Variants in TAFA2 observed in about 807,000 individuals in gnomAD.
The protein encoded by TAFA2 is chemokine-like protein TAFA-2.
TAFA2 carries 7 observed loss-of-function variants against 18.8 expected under a neutral mutation model. The ratio of observed to expected loss-of-function variants is 0.37; its 90% CI spans 0.21 to 0.70. The LOEUF is 0.70. Among genes scored for constraint, TAFA2 ranks in the 30% least tolerant of loss-of-function variants. The probability of loss-of-function intolerance (pLI) is 0.53; values close to 1 mark genes in which losing one functional copy is unlikely to be tolerated. For synonymous variants in TAFA2, 60 were observed against 54.2 expected (o/e 1.11, Z -0.47); for missense variants, 122 against 158.1 (o/e 0.77, Z 1.23).
chr12:61,821,758 A>G (rs548646094), intron 2 of TAFA2, among the ~76,000 whole-genome samples: 38 of 152,250 alleles, frequency 2.5e-4, no homozygotes, highest in African/African-American at 8.9e-4. Context: ...ATGTTTTTAA[A>G]AAATTTCTGC....
chr12:61,840,454 T>A lies in TAFA2; in HGVS notation c.106+26866A>T, dbSNP rs538085911. On this transcript the variant is annotated intron_variant, in intron 2 of 4. Transcript: ENST00000416284. Reference sequence around the variant, plus strand: ...CTTTTGTTATAAGGCAGCTTATATATTAAATATCCACCTCCATTGTTTCTT... The same window carrying A: ...CTTTTGTTATAAGGCAGCTTATATAATAAATATCCACCTCCATTGTTTCTT... Among the ~76,000 whole-genome samples the A allele has an allele frequency of 1.1e-4, 17 of 152,124 alleles. 1 individual carries two copies. The highest frequency in any genetic ancestry group is 2.1e-4 in the South Asian group (1 of 4,828).
At chr12:62,155,318 C>T (rs1232309629) in intron 1 of TAFA2, among the ~76,000 whole-genome samples, 3 of 152,026 alleles carry the variant, frequency 2.0e-5, no homozygotes, top group African/African-American at 7.2e-5. Context: ...CAAATAGAGA[C>T]ACATCCCATG....
intron 1 of TAFA2, among the ~76,000 whole-genome samples, chr12:61,956,328 A>T (rs1451646161): frequency 6.6e-6 from 1 of 152,102 alleles, no homozygotes; most frequent in African/African-American, 2.4e-5. Context: ...TTTCACTGAT[A>T]AAGTAAAATA....
At chr12:62,219,587 G>C (rs768984750) in intron 1 of TAFA2, among the ~76,000 whole-genome samples, 1 of 152,084 alleles carries the variant, frequency 6.6e-6, no homozygotes, top group Non-Finnish European at 1.5e-5. Flanking sequence ...TGTTATAAAA[G>C]AAACTTATTT....
At chr12:61,968,957 T>C (rs1879156838) in intron 1 of TAFA2, among the ~76,000 whole-genome samples, 1 of 151,730 alleles carries the variant, frequency 6.6e-6, no homozygotes. Flanking sequence ...AGTTTGCTGA[T>C]CACTTTAAGC....
rs540770658 is a variant in TAFA2 at position 61,854,421 on chromosome 12, G to A, written c.106+12899C>T. 1.5e-3 allele frequency among the ~76,000 whole-genome samples: 222 copies of A among 152,098 alleles called. 4 individuals carry two copies. The highest frequency in any genetic ancestry group is 5.1e-3 in the African/African-American group (212 of 41,498). ...AATAGGACATCCAGAAACAGAGAGG[G>A]GGGAAGATCCTCAAATAATTCAATA... On this transcript the variant is annotated intron_variant, in intron 2 of 4. Coordinates refer to ENST00000416284, the MANE Select transcript of TAFA2 (RefSeq NM_178539.5).
chr12:62,007,342 A>T (rs56794405), intron 1 of TAFA2, among the ~76,000 whole-genome samples: 51,787 of 152,050 alleles, frequency 0.34, 9,054 homozygotes, highest in East Asian at 0.45. Context: ...TGATCTTCAT[A>T]ATATATATTA....
intron 1 of TAFA2, among the ~76,000 whole-genome samples, chr12:61,932,185 T>C (rs904995862): frequency 6.6e-6 from 1 of 152,226 alleles, no homozygotes. Flanking sequence ...TTTTCCTATT[T>C]GAAGAATAGT....
rs965772141 is a variant in TAFA2 at position 61,940,653 on chromosome 12, C to A, written c.-1-73227G>T. Reference sequence around the variant, plus strand: ...TCCAGCTGTGAACCGCAGAGTGATACCCCCAGAATGGGCATCCTTTTCTCA... The same window carrying A: ...TCCAGCTGTGAACCGCAGAGTGATAACCCCAGAATGGGCATCCTTTTCTCA... On this transcript the variant is annotated intron_variant, in intron 1 of 4. Coordinates refer to ENST00000416284, the MANE Select transcript of TAFA2 (RefSeq NM_178539.5). Among the ~76,000 whole-genome samples the A allele has an allele frequency of 1.6e-4, 25 of 152,272 alleles. No homozygotes were observed. In the South Asian group the frequency reaches 5.0e-3, roughly 30 times the overall value.
At position 61,991,577 on chromosome 12, in the gene TAFA2, T is replaced by C. The variant is rs566725447; in HGVS notation, c.-1-124151A>G. On this transcript the variant is annotated intron_variant, in intron 1 of 4. Coordinates refer to ENST00000416284, the MANE Select transcript of TAFA2 (RefSeq NM_178539.5). ...ATATGAATGCTACATTTCAGTTAAG[T>C]CAATTTATCCCTCTGTTGGTTCTTT... 3.9e-5 allele frequency among the ~76,000 whole-genome samples: 6 copies of C among 152,348 alleles called. No individual in the cohort carries two copies. In the South Asian group the frequency reaches 6.2e-4, roughly 16 times the overall value.
chr12:62,149,385 A>AG, intron 1 of TAFA2, among the ~76,000 whole-genome samples: 1 of 152,080 alleles, frequency 6.6e-6, no homozygotes, highest in South Asian at 2.1e-4. Flanking sequence ...GCTTTCACAG[A>AG]GGGGGGAAAT....
At chr12:61,974,855 ACGTCTCAAT>A (rs1469679341) in intron 1 of TAFA2, among the ~76,000 whole-genome samples, 1 of 151,802 alleles carries the variant, frequency 6.6e-6, no homozygotes, top group African/African-American at 2.4e-5. Flanking sequence ...AAAGCCTCTT[ACGTCTCAAT>A]CTCCTAGGGT....
chr12:61,993,071 G>A (rs746695741), intron 1 of TAFA2, among the ~76,000 whole-genome samples: 4 of 152,154 alleles, frequency 2.6e-5, no homozygotes, highest in African/African-American at 7.2e-5. Flanking sequence ...AACTGGCCAC[G>A]CTGAAGTTTT....
At chr12:62,247,786 C>A (rs547847745) in intron 1 of TAFA2, among the ~76,000 whole-genome samples, 1 of 152,140 alleles carries the variant, frequency 6.6e-6, no homozygotes, top group South Asian at 2.1e-4. Context: ...TATAATCAGG[C>A]AAATGACACA....
chr12:61,839,142 C>T (rs1213132948), intron 2 of TAFA2, among the ~76,000 whole-genome samples: 2 of 152,060 alleles, frequency 1.3e-5, no homozygotes, highest in Non-Finnish European at 2.9e-5. Flanking sequence ...CAGGAACTTA[C>T]AGTCTGGTGA....
At chr12:62,026,531 C>T (rs921609784) in intron 1 of TAFA2, among the ~76,000 whole-genome samples, 2 of 152,126 alleles carry the variant, frequency 1.3e-5, no homozygotes, top group South Asian at 2.1e-4. Flanking sequence ...TCAACTTGAC[C>T]TTTCATGATG....
intron 1 of TAFA2, among the ~76,000 whole-genome samples, chr12:61,928,827 A>C (rs1877422152): frequency 6.6e-6 from 1 of 152,078 alleles, no homozygotes; most frequent in Non-Finnish European, 1.5e-5. Flanking sequence ...ATAGAATGCT[A>C]TGCAGCCAAA....
intron 1 of TAFA2, among the ~76,000 whole-genome samples, chr12:62,002,709 TG>T (rs1448924756): frequency 6.6e-6 from 1 of 152,180 alleles, no homozygotes; most frequent in Non-Finnish European, 1.5e-5. Flanking sequence ...TCCAACACTC[TG>T]GCCCCTTCCT....
intron 4 of TAFA2, among the ~76,000 whole-genome samples, chr12:61,733,548 G>C (rs1157468397): frequency 6.7e-6 from 1 of 149,426 alleles, no homozygotes; most frequent in African/African-American, 2.5e-5. Flanking sequence ...CCCATTGCTT[G>C]TTTTTGTCAG....
Sources: allele counts gnomAD v4.1 joint callset (sites outside exome capture counted in the v4.1 genomes callset), GRCh38; gene constraint gnomAD v4.1.1; transcripts MANE v1.5; gene names NCBI Gene and HGNC (gene_info 2026-07-23, HGNC 2026-07-21).